Variants in PDGFC observed in about 807,000 individuals in gnomAD.
PDGFC encodes the protein platelet-derived growth factor C.
A neutral mutation model predicts 35.5 loss-of-function variants in PDGFC; 12 were observed. That is an observed-to-expected ratio of 0.34 (90% CI 0.22 to 0.55). The LOEUF (loss-of-function observed/expected upper bound fraction) is 0.55, where lower values mean the gene tolerates loss of function less well. Ranked by LOEUF, PDGFC falls within the 20% of genes least tolerant of loss-of-function variation. The pLI, the probability that PDGFC is intolerant of heterozygous loss-of-function variation, is 0.91. For synonymous variants in PDGFC, 159 were observed against 148.8 expected, an observed-to-expected ratio of 1.07 and a Z score of -0.50; for missense variants, 322 against 412.4, an observed-to-expected ratio of 0.78 and a Z score of 1.90.
At chr4:156,938,631 T>C (rs556393286) in intron 1 of PDGFC, among the ~76,000 whole-genome samples, 21 of 152,106 alleles carry the variant, frequency 1.4e-4, no homozygotes, top group African/African-American at 4.8e-4. Context: ...TAAAATTTCA[T>C]GTTTGTAAAA....
rs536617300 is a variant in PDGFC at position 156,949,190 on chromosome 4, C to T, written c.118+21596G>A. ...ACTATTAAGAATTCTTTGAAAGATT[C>T]ATGATTATTCTTTTAAATACTCAAA... On this transcript the variant is annotated intron_variant, in intron 1 of 5. Transcript: ENST00000502773. 1.2e-3 allele frequency among the ~76,000 whole-genome samples: 183 copies of T among 151,994 alleles called. 1 individual carries two copies. The highest frequency in any genetic ancestry group is 1.9e-3 in the Non-Finnish European group (129 of 67,894).
At chr4:156,893,525 C>T (rs1291106313) in intron 1 of PDGFC, among the ~76,000 whole-genome samples, 3 of 151,620 alleles carry the variant, frequency 2.0e-5, no homozygotes, top group Admixed American at 6.6e-5. Flanking sequence ...TTTGCAGAGA[C>T]GAGGTCTTAC....
intron 2 of PDGFC, among the ~76,000 whole-genome samples, chr4:156,822,872 C>A (rs936441759): frequency 6.6e-6 from 1 of 152,026 alleles, no homozygotes; most frequent in Non-Finnish European, 1.5e-5. Context: ...CAGGTTCAAG[C>A]GATTCTCCTG....
chr4:156,916,540 C>T (rs1374840559), intron 1 of PDGFC, among the ~76,000 whole-genome samples: 3 of 152,264 alleles, frequency 2.0e-5, no homozygotes, highest in Non-Finnish European at 2.9e-5. Flanking sequence ...ACCCCCACTC[C>T]AAATGCTGAG....
chr4:156,885,880 C>CAAATAAAT (rs200570918), intron 1 of PDGFC, among the ~76,000 whole-genome samples: 64 of 151,714 alleles, frequency 4.2e-4, no homozygotes, highest in Admixed American at 7.2e-4. Context: ...AGATCTTGTC[C>CAAATAAAT]AAATAAATAA....
chr4:156,798,591 T>C (rs1338063290), intron 3 of PDGFC, among the ~76,000 whole-genome samples: 2 of 152,140 alleles, frequency 1.3e-5, no homozygotes, highest in African/African-American at 4.8e-5. Context: ...CCACAAAACA[T>C]CACTCATCAT....
At position 156,763,351 on chromosome 4, in the gene PDGFC, A is replaced by C. The variant is rs1204558963; in HGVS notation, c.922-145T>G. On this transcript the variant is annotated intron_variant, in intron 5 of 5. Transcript: ENST00000502773. ...TTTTCCTAGAGCACGCATTATGAAA[A>C]CACTCTCCCACCAAAAAAAAAAAAA... 3 of 433,640 alleles carry C rather than the reference A, an allele frequency of 6.9e-6. No individual in the cohort carries two copies. The Admixed American group carries it at 1.1e-4, about 16-fold the overall frequency. The allele number at this position is 433,640 out of a possible 1,614,324, so 26.9% of individuals were successfully genotyped here.
At chr4:156,818,176 C>T (rs1212736681) in intron 2 of PDGFC, among the ~76,000 whole-genome samples, 1 of 148,960 alleles carries the variant, frequency 6.7e-6, no homozygotes, top group African/African-American at 2.5e-5. Flanking sequence ...CAAAAATTCC[C>T]AAGTAAATTG....
chr4:156,892,596 G>A (rs1255617121), intron 1 of PDGFC, among the ~76,000 whole-genome samples: 2 of 151,920 alleles, frequency 1.3e-5, no homozygotes, highest in African/African-American at 4.8e-5. Context: ...AATCCCAAAG[G>A]ATTATTATGG....
chr4:156,966,668 CA>C (rs1732473667), intron 1 of PDGFC, among the ~76,000 whole-genome samples: 1 of 151,692 alleles, frequency 6.6e-6, no homozygotes, highest in Admixed American at 6.6e-5. Flanking sequence ...TACAAGTAGA[CA>C]AAGCTAAGGC....
chr4:156,777,040 AT>A lies in PDGFC; in HGVS notation c.496-4148del, dbSNP rs376755229. ...TAAGTCTATAATGGGACTGAACTCT[AT>A]TTTTTTTTTCTTTTAACTCTCCTTG... On this transcript the variant is annotated intron_variant, in intron 3 of 5. Coordinates refer to ENST00000502773, the MANE Select transcript of PDGFC (RefSeq NM_016205.3). Among the ~76,000 whole-genome samples, 491 of 149,618 alleles carry A rather than the reference AT, an allele frequency of 3.3e-3. 5 individuals carry two copies. The highest frequency in any genetic ancestry group is 0.011 in the African/African-American group (459 of 40,794).
chr4:156,789,614 G>A (rs974606622), intron 3 of PDGFC, among the ~76,000 whole-genome samples: 4 of 152,078 alleles, frequency 2.6e-5, no homozygotes, highest in Admixed American at 6.6e-5. Context: ...TGACAAAATC[G>A]AGAAACTAAA....
intron 2 of PDGFC, among the ~76,000 whole-genome samples, chr4:156,825,606 A>G (rs1195900743): frequency 2.6e-4 from 30 of 115,142 alleles, no homozygotes; most frequent in Middle Eastern, 4.9e-3. Context: ...GAAGAAGAAG[A>G]AGAAGAAGAA....
Position 156,767,993 on chromosome 4 carries a change from A to G in PDGFC, c.704-3T>C, listed in dbSNP as rs763862874. The G allele has an allele frequency of 5.1e-6, 8 of 1,566,928 alleles. No individual in the cohort carries two copies. The highest frequency in any genetic ancestry group is 6.2e-6 in the Non-Finnish European group (7 of 1,137,236). ...TGTTAGAAGGTTCAGATCCACCACT[A>G]TATGGTATAAAAGAAAGCAAAGAAA... On this transcript the variant is annotated splice_polypyrimidine_tract_variant and splice_region_variant and intron_variant, in intron 4 of 5. Coordinates refer to ENST00000502773, the MANE Select transcript of PDGFC (RefSeq NM_016205.3).
intron 1 of PDGFC, among the ~76,000 whole-genome samples, chr4:156,893,570 C>G (rs532382442): frequency 1.3e-5 from 2 of 151,684 alleles, no homozygotes; most frequent in African/African-American, 4.8e-5. Context: ...CTCCTGGCCT[C>G]GAGTGATCCT....
intron 1 of PDGFC, among the ~76,000 whole-genome samples, chr4:156,927,672 A>G (rs1057438856): frequency 1.3e-4 from 20 of 152,218 alleles, no homozygotes; most frequent in Admixed American, 1.1e-3. Flanking sequence ...CCTGGATTTC[A>G]TTGTCCATAT....
At chr4:156,813,546 G>A (rs1265541212) in intron 2 of PDGFC, among the ~76,000 whole-genome samples, 1 of 152,036 alleles carries the variant, frequency 6.6e-6, no homozygotes, top group East Asian at 1.9e-4. Context: ...GGTGGGGGAT[G>A]AAAATGCATT....
At chr4:156,793,533 G>GTATATATATA (rs1491091591) in intron 3 of PDGFC, among the ~76,000 whole-genome samples, 3 of 82,600 alleles carry the variant, frequency 3.6e-5, no homozygotes, top group African/African-American at 1.5e-4. Context: ...TGAATTATGT[G>GTATATATATA]CATATATATA....
intron 1 of PDGFC, among the ~76,000 whole-genome samples, chr4:156,858,481 C>G (rs187305255): frequency 6.6e-6 from 1 of 151,974 alleles, no homozygotes; most frequent in Non-Finnish European, 1.5e-5. Context: ...GCACACCCCA[C>G]TTAGTGAAAC....
Sources: gnomAD v4.1 joint callset for allele counts (sites outside exome capture counted in the v4.1 genomes callset) on GRCh38, gnomAD v4.1.1 for gene constraint, MANE v1.5 for transcripts, NCBI Gene and HGNC (gene_info 2026-07-23, HGNC 2026-07-21) for gene names.